The following NELL1 variants were observed in gnomAD, a reference collection of about 807,000 sequenced individuals.
NELL1 encodes neural EGFL like 1.
NELL1 carries 76 observed loss-of-function variants against 107.4 expected under a neutral mutation model. The ratio of observed to expected loss-of-function variants is 0.71; its 90% CI spans 0.59 to 0.86. The LOEUF (loss-of-function observed/expected upper bound fraction) is 0.86. Ranked by LOEUF, NELL1 falls within the 40% of genes least tolerant of loss-of-function variation. The probability of loss-of-function intolerance (pLI) is 0.00; values close to 1 mark genes in which losing one functional copy is unlikely to be tolerated. For missense variants in NELL1, 1,024 were observed against 1,005.5 expected, an observed-to-expected ratio of 1.02 and a Z score of -0.25; for synonymous variants, 353 against 341.2, an observed-to-expected ratio of 1.03 and a Z score of -0.38.
chr11:21,102,727 C>CT (rs1213438463), intron 12 of NELL1, among the ~76,000 whole-genome samples: 2 of 152,126 alleles, frequency 1.3e-5, no homozygotes, highest in Non-Finnish European at 2.9e-5. Flanking sequence ...TACTTCCCAC[C>CT]TTTTGCATGG....
intron 16 of NELL1, among the ~76,000 whole-genome samples, chr11:21,550,744 C>A (rs1295481444): frequency 6.6e-6 from 1 of 151,994 alleles, no homozygotes; most frequent in Non-Finnish European, 1.5e-5. Context: ...GTTACTGTAG[C>A]CTTGTAGTGT....
intron 2 of NELL1, among the ~76,000 whole-genome samples, chr11:20,699,319 T>A (rs1590214612): frequency 6.6e-6 from 1 of 152,044 alleles, no homozygotes; most frequent in East Asian, 1.9e-4. Flanking sequence ...TATGGCTGAG[T>A]AGTATTCCAA....
chr11:20,696,113 G>A (rs1209754828), intron 2 of NELL1, among the ~76,000 whole-genome samples: 1 of 152,000 alleles, frequency 6.6e-6, no homozygotes, highest in African/African-American at 2.4e-5. Flanking sequence ...ATTTCTGGGG[G>A]ATTGGTTGAA....
chr11:20,747,678 C>T (rs1320156916), intron 2 of NELL1, among the ~76,000 whole-genome samples: 2 of 152,104 alleles, frequency 1.3e-5, no homozygotes, highest in African/African-American at 4.8e-5. Context: ...TTTCAACATG[C>T]GTTTTGGAGG....
At chr11:20,887,118 A>G (rs1170405424) in intron 5 of NELL1, among the ~76,000 whole-genome samples, 1 of 152,140 alleles carries the variant, frequency 6.6e-6, no homozygotes, top group East Asian at 1.9e-4. Flanking sequence ...GTGTGTATTT[A>G]CATAAGTTTC....
intron 15 of NELL1, among the ~76,000 whole-genome samples, chr11:21,420,406 T>A (rs1852636557): frequency 6.6e-6 from 1 of 151,710 alleles, no homozygotes; most frequent in Admixed American, 6.6e-5. Context: ...TGTACAAATA[T>A]GAAAAGAAGA....
chr11:21,455,875 CT>C (rs59224815), intron 15 of NELL1, among the ~76,000 whole-genome samples: 41,496 of 143,914 alleles, frequency 0.29, 7,610 homozygotes, highest in African/African-American at 0.54. Flanking sequence ...TCTTTCTTTT[CT>C]TTTTTTTTTT....
chr11:21,016,634 A>G (rs1852571794), intron 12 of NELL1, among the ~76,000 whole-genome samples: 1 of 152,070 alleles, frequency 6.6e-6, no homozygotes, highest in Admixed American at 6.6e-5. Flanking sequence ...CCACCAGCCG[A>G]TAAACTCCTA....
intron 5 of NELL1, among the ~76,000 whole-genome samples, chr11:20,894,456 T>C (rs1462358547): frequency 6.6e-6 from 1 of 152,132 alleles, no homozygotes; most frequent in Admixed American, 6.5e-5. Flanking sequence ...AATAAAAACA[T>C]TTGAGAAAAA....
chr11:20,756,390 G>C (rs1250489603), intron 2 of NELL1, among the ~76,000 whole-genome samples: 2 of 151,902 alleles, frequency 1.3e-5, no homozygotes, highest in African/African-American at 4.8e-5. Context: ...CCAGGCTGGA[G>C]TGCAGTGGTG....
At chr11:20,903,221 A>G (rs938507376) in intron 5 of NELL1, among the ~76,000 whole-genome samples, 2 of 152,030 alleles carry the variant, frequency 1.3e-5, no homozygotes, top group Non-Finnish European at 2.9e-5. Context: ...CCAAGAATGA[A>G]CAGAAATTCA....
At chr11:20,888,939 T>A (rs1381739081) in intron 5 of NELL1, among the ~76,000 whole-genome samples, 1 of 152,000 alleles carries the variant, frequency 6.6e-6, no homozygotes, top group East Asian at 1.9e-4. Context: ...ATCGGAAGAG[T>A]GCAATCCCTA....
intron 12 of NELL1, among the ~76,000 whole-genome samples, chr11:21,002,108 C>A (rs1852234466): frequency 2.0e-5 from 3 of 152,262 alleles, no homozygotes; most frequent in South Asian, 4.1e-4. Context: ...GTAGCAAGGT[C>A]TTTCTTGAAG....
chr11:21,452,045 T>G (rs2133859430), intron 15 of NELL1, among the ~76,000 whole-genome samples: 1 of 152,294 alleles, frequency 6.6e-6, no homozygotes, highest in South Asian at 2.1e-4. Flanking sequence ...TGGGGAACAC[T>G]TTCGCAGTCT....
intron 13 of NELL1, among the ~76,000 whole-genome samples, chr11:21,160,735 T>C (rs959793593): frequency 1.3e-5 from 2 of 152,200 alleles, no homozygotes; most frequent in Non-Finnish European, 2.9e-5. Flanking sequence ...GAACCTAGGC[T>C]AATAATGTGT....
intron 12 of NELL1, among the ~76,000 whole-genome samples, chr11:21,025,658 C>G (rs1981406): frequency 0.3 from 45,811 of 151,834 alleles, 8,120 homozygotes; most frequent in African/African-American, 0.5. Context: ...ATACTCACTC[C>G]CTTCGTGATC....
At position 21,229,441 on chromosome 11, in the gene NELL1, G is replaced by T; in HGVS notation, c.1536G>T (p.Gly512=). The T allele has an allele frequency of 6.2e-7, 1 of 1,613,842 alleles. No individual in the cohort carries two copies. The highest frequency in any genetic ancestry group is 1.1e-5 in the South Asian group (1 of 91,066). ...GCAAACCGGGCTACGTGGGGAACGG[G>T]ACCATCTGCAGAGGTAGGCTTGCCG... ...CTCKPGYVGN[G]TICRAFCEEG... is the part of the protein sequence containing the mutation. The change falls in exon 14 of 20, where the codon GGG becomes GGT. Residue 512 remains glycine (G), a synonymous_variant. Transcript: ENST00000357134.
chr11:21,098,097 C>T (rs1186792815), intron 12 of NELL1, among the ~76,000 whole-genome samples: 1 of 152,176 alleles, frequency 6.6e-6, no homozygotes, highest in Non-Finnish European at 1.5e-5. Flanking sequence ...ATCTGACCTT[C>T]CTTATGCCAC....
At chr11:21,141,813 G>T (rs1284770289) in intron 13 of NELL1, among the ~76,000 whole-genome samples, 1 of 151,788 alleles carries the variant, frequency 6.6e-6, no homozygotes, top group African/African-American at 2.4e-5. Flanking sequence ...GCCCAGGCTG[G>T]ATTGCAATGG....
Sources: allele counts gnomAD v4.1 joint callset (sites outside exome capture counted in the v4.1 genomes callset), GRCh38; gene constraint gnomAD v4.1.1; transcripts MANE v1.5; gene names NCBI Gene and HGNC (gene_info 2026-07-23, HGNC 2026-07-21).